The following TNFRSF13B variants were observed in gnomAD, a reference collection of about 807,000 sequenced individuals.
The protein encoded by TNFRSF13B is tumor necrosis factor receptor superfamily member 13B.
TNFRSF13B carries 34 observed loss-of-function variants against 24.0 expected under a neutral mutation model. The observed-to-expected ratio is 1.41, with a 90% CI of 1.08 to 1.88. The LOEUF is 1.88. Among genes scored for constraint, TNFRSF13B ranks in the 40% most tolerant of loss-of-function variants. The probability of loss-of-function intolerance (pLI) is 0.00; values close to 1 mark genes in which losing one functional copy is unlikely to be tolerated. For missense variants in TNFRSF13B, 415 were observed against 380.8 expected (o/e 1.09, Z -0.75); for synonymous variants, 173 against 150.3 (o/e 1.15, Z -1.10).
At chr17:16,939,919 G>T in intron 4 of TNFRSF13B, 122 bp from the exon 5 acceptor site, 1 of 1,343,034 alleles carries the variant, frequency 7.4e-7, no homozygotes, top group Non-Finnish European at 9.8e-7. Context: ...AGCGTAGAAC[G>T]CCCCCAGACA....
intron 4 of TNFRSF13B, 137 bp from the exon 5 acceptor site, chr17:16,939,934 T>TCCGTGTCCGC: frequency 7.9e-7 from 1 of 1,268,900 alleles, no homozygotes; most frequent in Non-Finnish European, 1.1e-6. Flanking sequence ...CAGACAGGTG[T>TCCGTGTCCGC]CAGTGTCCGC....
At position 16,948,815 on chromosome 17, in the gene TNFRSF13B, C is replaced by G. The variant is rs2087567334; in HGVS notation, c.368G>C (p.Ser123Thr). ...NLPPELRRQRSGEVENNSDNS... is the reference protein window; with the variant it reads ...NLPPELRRQRTGEVENNSDNS... ...GTCTGAATTGTTTTCAACTTCTCCA[C>G]TCCGCTGTCTCCTGAGCTCTGGTGG... The change falls in exon 3 of 5, where the codon AGT (serine) becomes ACT (threonine). Residue 123 changes from serine (S) to threonine (T), a missense_variant. Transcript: ENST00000261652. The G allele has an allele frequency of 4.3e-6, 7 of 1,614,256 alleles. No individual in the cohort carries two copies. Among genetic ancestry groups the G allele is most frequent in the African/African-American group, 2.7e-5 (2 of 75,068 alleles).
Position 16,972,005 on chromosome 17 carries a change from G to C in TNFRSF13B, c.61+10C>G, listed in dbSNP as rs148297590. ...CACCTGCCCTCCTGCCCTCCTGCCC[G>C]GCTACTCACAGCGCTCCTCCTGGTC... On this transcript the variant is annotated intron_variant, in intron 1 of 4. Coordinates refer to ENST00000261652, the MANE Select transcript of TNFRSF13B (RefSeq NM_012452.3). The C allele has an allele frequency of 6.2e-6, 10 of 1,613,898 alleles. No individual in the cohort carries two copies. In the Middle Eastern group the frequency reaches 9.9e-4, roughly 160 times the overall value.
At chr17:16,953,824 A>T (rs554971833) in intron 1 of TNFRSF13B, among the ~76,000 whole-genome samples, 2 of 152,034 alleles carry the variant, frequency 1.3e-5, no homozygotes, top group African/African-American at 4.8e-5. Flanking sequence ...GCTGGAGTGC[A>T]GTGGGTGTGA....
intron 1 of TNFRSF13B, among the ~76,000 whole-genome samples, chr17:16,957,840 C>T (rs1307002771): frequency 6.6e-6 from 1 of 152,146 alleles, no homozygotes; most frequent in Non-Finnish European, 1.5e-5. Context: ...ACTTGCCCTA[C>T]AAGAAATCCT....
intron 2 of TNFRSF13B, 33 bp from the exon 3 acceptor site, chr17:16,949,016 G>A (rs754685803): frequency 6.2e-7 from 1 of 1,613,440 alleles, no homozygotes; most frequent in East Asian, 2.2e-5. Flanking sequence ...ACTGCTGGGT[G>A]ACACAGACTA....
At position 16,940,775 on chromosome 17, in the gene TNFRSF13B, G is replaced by A. The variant is rs1290205062; in HGVS notation, c.446-264C>T. ...CTTCTTGTTGTCTCCACTTGCTAGGGCTGTAATTGGGACAGCGCTGGAGAT... is the reference window on the plus strand; with the variant it reads ...CTTCTTGTTGTCTCCACTTGCTAGGACTGTAATTGGGACAGCGCTGGAGAT... On this transcript the variant is annotated intron_variant, in intron 3 of 4. Coordinates refer to ENST00000261652, the MANE Select transcript of TNFRSF13B (RefSeq NM_012452.3). The A allele has an allele frequency of 5.7e-6, 8 of 1,395,016 alleles. No homozygotes were observed. The African/African-American group carries it at 1.0e-4, about 18-fold the overall frequency. 86.4% of individuals were successfully genotyped at this position (1,395,016 alleles called of 1,614,324 possible).
At chr17:16,941,496 GA>G (rs2087509775) in intron 3 of TNFRSF13B, 1 of 987,528 alleles carries the variant, frequency 1.0e-6, no homozygotes, top group Non-Finnish European at 1.2e-6. Flanking sequence ...AAAGACAGAT[GA>G]GCCAGATTTA....
chr17:16,943,431 C>T (rs912240692), intron 3 of TNFRSF13B, among the ~76,000 whole-genome samples: 4 of 152,194 alleles, frequency 2.6e-5, no homozygotes, highest in Admixed American at 6.5e-5. Flanking sequence ...CATGGCTGAT[C>T]ACATGCCAGC....
chr17:16,957,095 G>T (rs7219040), intron 1 of TNFRSF13B, among the ~76,000 whole-genome samples: 2 of 141,312 alleles, frequency 1.4e-5, no homozygotes, highest in African/African-American at 5.1e-5. Context: ...GAGGCTGTGC[G>T]GGGGGATGTG....
intron 1 of TNFRSF13B, among the ~76,000 whole-genome samples, chr17:16,954,114 G>T (rs2087609041): frequency 6.6e-6 from 1 of 152,236 alleles, no homozygotes; most frequent in African/African-American, 2.4e-5. Context: ...ACCAGAGGTG[G>T]CTGGGCACCA....
chr17:16,971,896 C>A, intron 1 of TNFRSF13B, 119 bp downstream of exon 1: 1 of 991,232 alleles, frequency 1.0e-6, no homozygotes, highest in Admixed American at 1.8e-5. Flanking sequence ...GGGACTGCCC[C>A]AGTGTGTGGA....
intron 3 of TNFRSF13B, among the ~76,000 whole-genome samples, chr17:16,947,971 A>G (rs1394927710): frequency 6.6e-6 from 1 of 152,262 alleles, no homozygotes; most frequent in Non-Finnish European, 1.5e-5. Flanking sequence ...TGGTTGGATA[A>G]AGAAAATGTG....
At chr17:16,962,296 C>G (rs1256117041) in intron 1 of TNFRSF13B, among the ~76,000 whole-genome samples, 1 of 149,922 alleles carries the variant, frequency 6.7e-6, no homozygotes, top group African/African-American at 2.4e-5. Context: ...CATTTGAGGT[C>G]AGGAGTTCGA....
At chr17:16,939,969 G>A (rs867932929) in intron 4 of TNFRSF13B, 172 bp from the exon 5 acceptor site, 7 of 1,094,242 alleles carry the variant, frequency 6.4e-6, no homozygotes, top group African/African-American at 3.2e-5. Flanking sequence ...AACCTGTGCC[G>A]GGGCAGGGGT....
At chr17:16,971,210 G>A (rs11657227) in intron 1 of TNFRSF13B, among the ~76,000 whole-genome samples, 12,228 of 152,054 alleles carry the variant, frequency 0.08, 668 homozygotes, top group East Asian at 0.19. Flanking sequence ...TTAGCCGGGC[G>A]TGGTGGTGGG....
intron 4 of TNFRSF13B, chr17:16,940,039 G>A (rs1018180254): frequency 1.8e-4 from 181 of 985,044 alleles, no homozygotes; most frequent in Non-Finnish European, 3.8e-5. Context: ...GCCCCCCAAG[G>A]GGACACCTCC....
intron 3 of TNFRSF13B, among the ~76,000 whole-genome samples, chr17:16,947,293 G>C (rs59501737): frequency 6.6e-6 from 1 of 152,162 alleles, no homozygotes; most frequent in Non-Finnish European, 1.5e-5. Flanking sequence ...TTGGCCCTGG[G>C]AAAGAATTTA....
At position 16,940,817 on chromosome 17, in the gene TNFRSF13B, C is replaced by T. The variant is rs1186266990; in HGVS notation, c.446-306G>A. On this transcript the variant is annotated intron_variant, in intron 3 of 4. Transcript: ENST00000261652. The stretch of plus-strand genomic sequence containing the variant: ...GCTGGAGATGGGCTGATGGGTGAAT[C>T]GACAGACGAACAGACGATGCTCCAG... 1.9e-5 allele frequency: 25 copies of T among 1,308,186 alleles called. No individual in the cohort carries two copies. In the South Asian group the frequency reaches 2.7e-4, roughly 14 times the overall value. The allele number at this position is 1,308,186 out of a possible 1,614,324, so 81.0% of individuals were successfully genotyped here. A position where few individuals can be genotyped will look rare whatever the true frequency, so the allele number is the denominator to read the frequency against.
Sources: gnomAD v4.1 joint callset for allele counts (sites outside exome capture counted in the v4.1 genomes callset) on GRCh38, gnomAD v4.1.1 for gene constraint, MANE v1.5 for transcripts, NCBI Gene and HGNC (gene_info 2026-07-23, HGNC 2026-07-21) for gene names.